Variants in ERBIN observed in about 807,000 individuals in gnomAD.
ERBIN encodes the protein densin-180-like protein.
ERBIN carries 60 observed loss-of-function variants against 158.4 expected under a neutral mutation model. The observed-to-expected ratio is 0.38, with a 90% CI of 0.31 to 0.47. The LOEUF is 0.47. ERBIN is among the 20% of genes least tolerant of loss of function. ERBIN has a pLI of 0.99. For missense variants in ERBIN, 1,610 were observed against 1,648.0 expected (o/e 0.98, Z 0.40); for synonymous variants, 594 against 557.2 (o/e 1.07, Z -0.93).
intron 1 of ERBIN, among the ~76,000 whole-genome samples, chr5:65,941,132 A>G (rs1207221165): frequency 2.0e-5 from 3 of 152,046 alleles, no homozygotes; most frequent in Admixed American, 6.5e-5. Context: ...GCTCATTAAG[A>G]GTCATCACCA....
intron 1 of ERBIN, among the ~76,000 whole-genome samples, chr5:65,987,911 G>C (rs188107841): frequency 4.6e-5 from 7 of 151,346 alleles, no homozygotes; most frequent in Admixed American, 1.3e-4. Context: ...CTGCCACATA[G>C]AACTATGAAA....
chr5:66,033,250 T>C (rs1265612983), intron 14 of ERBIN, among the ~76,000 whole-genome samples: 1 of 152,246 alleles, frequency 6.6e-6, no homozygotes, highest in Non-Finnish European at 1.5e-5. Flanking sequence ...AAATACACAT[T>C]TGTTTCAGCC....
chr5:66,077,108 G>A (rs1223040341), intron 25 of ERBIN, among the ~76,000 whole-genome samples, 159 bp downstream of exon 25: 2 of 144,856 alleles, frequency 1.4e-5, no homozygotes, highest in Admixed American at 7.0e-5. Context: ...CCGAGATCGC[G>A]CCACTGTACT....
intron 24 of ERBIN, 101 bp from the exon 25 acceptor site, chr5:66,076,774 A>G (rs908967470): frequency 1.2e-6 from 1 of 822,136 alleles, no homozygotes; most frequent in South Asian, 1.5e-5. Context: ...AACTTGTACC[A>G]TGATTCAAAT....
intron 4 of ERBIN, among the ~76,000 whole-genome samples, chr5:66,006,771 CA>C (rs1753647609): frequency 6.6e-6 from 1 of 151,860 alleles, no homozygotes. Flanking sequence ...CTTATGCAGC[CA>C]AAAAACACAT....
At chr5:65,945,342 T>A (rs1485945708) in intron 1 of ERBIN, among the ~76,000 whole-genome samples, 2 of 152,236 alleles carry the variant, frequency 1.3e-5, no homozygotes, top group Non-Finnish European at 2.9e-5. Flanking sequence ...CTTTATCTGT[T>A]TCTTCATTAG....
chr5:66,076,327 G>A lies in ERBIN; in HGVS notation c.3975G>A (p.Arg1325=). The A allele has an allele frequency of 6.2e-7, 1 of 1,613,082 alleles. No homozygotes were observed. The highest frequency in any genetic ancestry group is 1.1e-5 in the South Asian group (1 of 90,888). Reference sequence around the variant, plus strand: ...TCATATTAACTCAGATTCGAGTGAGGGTTGAAAAGGATCCAGAACTTGGAT... The same window carrying A: ...TCATATTAACTCAGATTCGAGTGAGAGTTGAAAAGGATCCAGAACTTGGAT... ...HELAKQEIRV[R]VEKDPELGFS... The change falls in exon 24 of 26, where the codon AGG becomes AGA. Residue 1325 remains arginine (R), a synonymous_variant. Transcript: ENST00000284037.
intron 1 of ERBIN, among the ~76,000 whole-genome samples, chr5:65,934,450 T>G (rs1029311450): frequency 5.3e-5 from 8 of 152,210 alleles, no homozygotes; most frequent in African/African-American, 1.9e-4. Flanking sequence ...CTTGACACTT[T>G]TGAAGATCTG....
chr5:65,993,810 G>A (rs1752138769), intron 3 of ERBIN, among the ~76,000 whole-genome samples: 4 of 152,076 alleles, frequency 2.6e-5, no homozygotes, highest in Admixed American at 1.3e-4. Context: ...ATTTGTTAGT[G>A]TAAGTGTGTC....
At chr5:65,963,585 C>T (rs768683473) in intron 1 of ERBIN, among the ~76,000 whole-genome samples, 24 of 151,546 alleles carry the variant, frequency 1.6e-4, no homozygotes, top group Non-Finnish European at 2.8e-4. Context: ...GCAACAAGAG[C>T]GAAACTCCAT....
chr5:66,047,349 C>T (rs1055273703), intron 18 of ERBIN, among the ~76,000 whole-genome samples: 1 of 152,026 alleles, frequency 6.6e-6, no homozygotes, highest in Non-Finnish European at 1.5e-5. Flanking sequence ...TGTGTATATC[C>T]ACCCTTTGTT....
intron 21 of ERBIN, among the ~76,000 whole-genome samples, chr5:66,070,166 T>G (rs1398261307): frequency 6.6e-6 from 1 of 152,152 alleles, no homozygotes; most frequent in Admixed American, 6.5e-5. Flanking sequence ...TGCCTCATCC[T>G]CCCAAGTAGC....
chr5:66,009,025 C>T (rs1052433577), intron 4 of ERBIN, among the ~76,000 whole-genome samples: 1 of 152,134 alleles, frequency 6.6e-6, no homozygotes, highest in Non-Finnish European at 1.5e-5. Flanking sequence ...ATTTTCAGTG[C>T]AACTTTTTCA....
At chr5:66,040,513 A>G in intron 15 of ERBIN, among the ~76,000 whole-genome samples, 1 of 151,942 alleles carries the variant, frequency 6.6e-6, no homozygotes, top group East Asian at 1.9e-4. Flanking sequence ...AAAGTTTGAA[A>G]TACAGTATCA....
At chr5:65,983,188 T>C (rs546270373) in intron 1 of ERBIN, among the ~76,000 whole-genome samples, 5 of 152,340 alleles carry the variant, frequency 3.3e-5, no homozygotes, top group Non-Finnish European at 5.9e-5. Flanking sequence ...ACTGTTCATA[T>C]TGAAATAATA....
intron 1 of ERBIN, among the ~76,000 whole-genome samples, chr5:65,977,205 C>CA (rs1750019140): frequency 1.4e-5 from 2 of 145,870 alleles, no homozygotes; most frequent in African/African-American, 5.4e-5. Flanking sequence ...CTGACCCCCC[C>CA]CCACCTCCCT....
intron 9 of ERBIN, 65 bp from the exon 10 acceptor site, chr5:66,024,241 T>C: frequency 9.1e-7 from 1 of 1,097,410 alleles, no homozygotes; most frequent in East Asian, 2.6e-5. Flanking sequence ...TCAAGTTTAT[T>C]CCCTAAACTT....
intron 14 of ERBIN, among the ~76,000 whole-genome samples, chr5:66,035,152 C>A (rs1469148940): frequency 6.6e-6 from 1 of 152,174 alleles, no homozygotes; most frequent in African/African-American, 2.4e-5. Flanking sequence ...TTACCCTAGG[C>A]TCTGCTTTAA....
At chr5:65,953,670 G>A (rs1746771292) in intron 1 of ERBIN, among the ~76,000 whole-genome samples, 1 of 152,168 alleles carries the variant, frequency 6.6e-6, no homozygotes, top group Admixed American at 6.5e-5. Flanking sequence ...AGTTTTTCTT[G>A]ATAGTTCTAC....
Sources: gnomAD v4.1 joint callset for allele counts (sites outside exome capture counted in the v4.1 genomes callset) on GRCh38, gnomAD v4.1.1 for gene constraint, MANE v1.5 for transcripts, NCBI Gene and HGNC (gene_info 2026-07-23, HGNC 2026-07-21) for gene names.